The following GOSR1 variants were observed in gnomAD, a reference collection of about 807,000 sequenced individuals.
GOSR1 encodes golgi SNAP receptor complex member 1.
A neutral mutation model predicts 35.5 loss-of-function variants in GOSR1; 21 were observed. That is an observed-to-expected ratio of 0.59 (90% CI 0.42 to 0.85). The LOEUF is 0.85. Among genes scored for constraint, GOSR1 ranks in the 40% least tolerant of loss-of-function variants. GOSR1 has a pLI of 0.00. For missense variants in GOSR1, 285 were observed against 309.6 expected (o/e 0.92, Z 0.60); for synonymous variants, 94 against 106.6 (o/e 0.88, Z 0.73).
At chr17:30,492,555 C>T (rs940212365) in intron 5 of GOSR1, 124 bp from the exon 6 acceptor site, 1 of 612,270 alleles carries the variant, frequency 1.6e-6, no homozygotes, top group African/African-American at 1.9e-5. Flanking sequence ...GGATTATGTA[C>T]TTTCATTGTT....
intron 6 of GOSR1, among the ~76,000 whole-genome samples, chr17:30,499,496 C>T (rs182141350): frequency 4.3e-4 from 66 of 152,244 alleles, no homozygotes; most frequent in African/African-American, 1.4e-3. Flanking sequence ...CGCATGCCAC[C>T]ACGCCCAGCT....
At chr17:30,505,536 C>A (rs1205181740) in intron 6 of GOSR1, among the ~76,000 whole-genome samples, 3 of 152,234 alleles carry the variant, frequency 2.0e-5, no homozygotes, top group Non-Finnish European at 4.4e-5. Context: ...GGAAGTCTTG[C>A]AGTGCCGTTT....
At chr17:30,491,587 A>T (rs949529144) in intron 5 of GOSR1, among the ~76,000 whole-genome samples, 1 of 152,080 alleles carries the variant, frequency 6.6e-6, no homozygotes, top group Admixed American at 6.5e-5. Context: ...TTAACCTGGG[A>T]TGTGGAGGTT....
intron 7 of GOSR1, among the ~76,000 whole-genome samples, chr17:30,516,870 C>T (rs1380633086): frequency 1.3e-5 from 2 of 152,122 alleles, no homozygotes; most frequent in Non-Finnish European, 2.9e-5. Context: ...CTCACCACCA[C>T]GCCTGGCTAA....
intron 6 of GOSR1, among the ~76,000 whole-genome samples, chr17:30,508,975 T>G (rs1362140283): frequency 1.3e-5 from 2 of 152,084 alleles, no homozygotes; most frequent in African/African-American, 4.8e-5. Context: ...ATATGGTATT[T>G]ATGACTTTTT....
At chr17:30,501,429 C>T (rs980592212) in intron 6 of GOSR1, among the ~76,000 whole-genome samples, 1 of 152,066 alleles carries the variant, frequency 6.6e-6, no homozygotes, top group Non-Finnish European at 1.5e-5. Context: ...GGAACTCTCA[C>T]TCATTGCTGG....
intron 6 of GOSR1, among the ~76,000 whole-genome samples, chr17:30,504,924 G>C (rs1479907243): frequency 2.6e-5 from 4 of 152,226 alleles, no homozygotes; most frequent in Non-Finnish European, 5.9e-5. Flanking sequence ...GAGAATTATA[G>C]AAAGCAGATA....
intron 7 of GOSR1, among the ~76,000 whole-genome samples, chr17:30,511,115 A>T (rs1967596852): frequency 6.6e-6 from 1 of 152,196 alleles, no homozygotes; most frequent in Non-Finnish European, 1.5e-5. Context: ...TTCCATAGTT[A>T]CTTTAATTAA....
chr17:30,506,734 T>C (rs769719220), intron 6 of GOSR1, among the ~76,000 whole-genome samples: 37 of 152,220 alleles, frequency 2.4e-4, no homozygotes, highest in Non-Finnish European at 4.9e-4. Flanking sequence ...ATTTAGGACT[T>C]TCCTCCTAGA....
chr17:30,508,411 C>G (rs1967484859), intron 6 of GOSR1, among the ~76,000 whole-genome samples: 1 of 152,186 alleles, frequency 6.6e-6, no homozygotes, highest in Admixed American at 6.5e-5. Flanking sequence ...TGAAGACAGT[C>G]AGCCAAACCA....
intron 6 of GOSR1, among the ~76,000 whole-genome samples, chr17:30,503,054 TATTC>T (rs1967273942): frequency 2.6e-5 from 4 of 152,372 alleles, no homozygotes; most frequent in African/African-American, 9.6e-5. Flanking sequence ...TTTTATTTAT[TATTC>T]ATTATTTAGT....
intron 4 of GOSR1, 189 bp downstream of exon 4, chr17:30,484,959 C>A: frequency 1.6e-6 from 1 of 621,566 alleles, no homozygotes; most frequent in Non-Finnish European, 2.9e-6. Flanking sequence ...CTGAAAATAT[C>A]TAATAGCTCT....
At chr17:30,514,811 C>A (rs879889276) in intron 7 of GOSR1, among the ~76,000 whole-genome samples, 1 of 152,120 alleles carries the variant, frequency 6.6e-6, no homozygotes, top group Non-Finnish European at 1.5e-5. Context: ...GTTTAACATT[C>A]TGGGAGATTT....
At chr17:30,500,342 C>T (rs1967156532) in intron 6 of GOSR1, among the ~76,000 whole-genome samples, 1 of 152,130 alleles carries the variant, frequency 6.6e-6, no homozygotes, top group African/African-American at 2.4e-5. Flanking sequence ...CTGCAGCCAA[C>T]ATCATACAGT....
chr17:30,483,504 A>G (rs1914483594), intron 2 of GOSR1, among the ~76,000 whole-genome samples: 2 of 152,160 alleles, frequency 1.3e-5, no homozygotes, highest in African/African-American at 4.8e-5. Flanking sequence ...AGGAGGATTT[A>G]TATTAGTAGT....
rs1968166483 is a variant in GOSR1 at position 30,525,371 on chromosome 17, TTGAC to T, written c.*2996_*2999del. 1 of 152,344 alleles carries T rather than the reference TTGAC, an allele frequency of 6.6e-6. No homozygotes were observed. Among genetic ancestry groups the T allele is most frequent in the Non-Finnish European group, 1.5e-5 (1 of 68,026 alleles). The allele number at this position is 152,344 out of a possible 1,614,324, so 9.4% of individuals were successfully genotyped here. ...GTTTATTTTTCTAAATGTGGGTTGA[TTGAC>T]TGTTAATTGATTCAGGGTACCCTTA... On this transcript the variant is annotated 3_prime_UTR_variant, in exon 9 of 9. Transcript: ENST00000451249.
intron 6 of GOSR1, chr17:30,510,534 C>G (rs1034869913): frequency 6.2e-6 from 1 of 162,146 alleles, no homozygotes; most frequent in Admixed American, 6.4e-5. Flanking sequence ...GCCAACATGG[C>G]GAAACCTCAT....
chr17:30,514,549 A>T (rs2143879205), intron 7 of GOSR1, among the ~76,000 whole-genome samples: 1 of 152,328 alleles, frequency 6.6e-6, no homozygotes, highest in South Asian at 2.1e-4. Flanking sequence ...CATTGCTTCT[A>T]AAGTCCAGGC....
intron 6 of GOSR1, among the ~76,000 whole-genome samples, chr17:30,507,234 G>A (rs1051044551): frequency 6.6e-6 from 1 of 152,182 alleles, no homozygotes; most frequent in African/African-American, 2.4e-5. Context: ...TAAATTGAAA[G>A]CCTTCTGGAA....
Sources: allele counts gnomAD v4.1 joint callset (sites outside exome capture counted in the v4.1 genomes callset), GRCh38; gene constraint gnomAD v4.1.1; transcripts MANE v1.5; gene names NCBI Gene and HGNC (gene_info 2026-07-23, HGNC 2026-07-21).